Variants in PCDHGA10 observed in about 807,000 individuals in gnomAD.
PCDHGA10 encodes the protein protocadherin gamma subfamily A, 10.
Under a neutral mutation model 59.5 loss-of-function variants are expected in PCDHGA10, and 42 were observed. That is an observed-to-expected ratio of 0.71 (90% CI 0.55 to 0.91). The LOEUF is 0.91. Among genes scored for constraint, PCDHGA10 ranks in the 40% least tolerant of loss-of-function variants. The pLI is 0.00. For synonymous variants in PCDHGA10, 511 were observed against 517.2 expected (o/e 0.99, Z 0.16); for missense variants, 1,111 against 1,198.2 (o/e 0.93, Z 1.07).
chr5:141,511,241 C>A lies in PCDHGA10; in HGVS notation c.*68C>A. On this transcript the variant is annotated 3_prime_UTR_variant, in exon 4 of 4. Coordinates refer to ENST00000398610, the MANE Select transcript of PCDHGA10 (RefSeq NM_018913.3). ...CCAGCCCAGCTTCTCCTTACCTGCA[C>A]CCAGGCCTCAGAGTTTCAGGGCTAA... 1 of 1,585,212 alleles carries A rather than the reference C, an allele frequency of 6.3e-7. No individual in the cohort carries two copies. The highest frequency in any genetic ancestry group is 8.6e-7 in the Non-Finnish European group (1 of 1,165,762).
chr5:141,508,647 C>T (rs1301017914), intron 3 of PCDHGA10, among the ~76,000 whole-genome samples: 4 of 152,090 alleles, frequency 2.6e-5, no homozygotes, highest in African/African-American at 9.7e-5. Flanking sequence ...CTCCGTCAGG[C>T]CCTTCCTGTC....
intron 1 of PCDHGA10, chr5:141,426,496 G>A: frequency 3.0e-6 from 1 of 337,022 alleles, no homozygotes; most frequent in South Asian, 2.4e-5. Flanking sequence ...AGTTAGTGCA[G>A]AGAAACAATA....
chr5:141,485,814 CT>C lies in PCDHGA10; in HGVS notation c.2437-8992del, dbSNP rs2099619658. On this transcript the variant is annotated intron_variant, in intron 1 of 3. Transcript: ENST00000398610. The surrounding 1 kb of genome is among the most constrained non-coding windows in gnomAD (Gnocchi z 5.7). ...TCGGACTACCGCCTGGTGCTGACTGCTGTCGATGGAGGGAACCCGCCGAGAT... is the reference window on the plus strand; with the variant it reads ...TCGGACTACCGCCTGGTGCTGACTGCGTCGATGGAGGGAACCCGCCGAGAT... The C allele has an allele frequency of 6.2e-7, 1 of 1,613,864 alleles. No individual in the cohort carries two copies. Among genetic ancestry groups the C allele is most frequent in the Non-Finnish European group, 8.5e-7 (1 of 1,179,990 alleles).
chr5:141,460,553 C>A (rs2098991893), intron 1 of PCDHGA10, among the ~76,000 whole-genome samples: 1 of 152,032 alleles, frequency 6.6e-6, no homozygotes. Context: ...AATCAAAAAT[C>A]ATTTGGCCAT....
intron 1 of PCDHGA10, chr5:141,427,653 G>A (rs1221862562): frequency 4.1e-6 from 3 of 725,570 alleles, no homozygotes; most frequent in Non-Finnish European, 4.9e-6. Flanking sequence ...CTCCTACGTG[G>A]TCCACGTGGC....
chr5:141,457,193 A>G (rs2154565853), intron 1 of PCDHGA10, among the ~76,000 whole-genome samples: 1 of 152,356 alleles, frequency 6.6e-6, no homozygotes, highest in African/African-American at 2.4e-5. Flanking sequence ...GAGTGAGGAA[A>G]GCAGTTCCCA....
intron 1 of PCDHGA10, chr5:141,423,757 G>T (rs562479446): frequency 7.3e-5 from 29 of 395,130 alleles, no homozygotes; most frequent in Non-Finnish European, 9.5e-5. Flanking sequence ...GTTTGGGGGG[G>T]GGGTGGGGCG....
At position 141,487,557 on chromosome 5, in the gene PCDHGA10, T is replaced by C. The variant is rs751511771; in HGVS notation, c.2437-7250T>C. On this transcript the variant is annotated intron_variant, in intron 1 of 3. Coordinates refer to ENST00000398610, the MANE Select transcript of PCDHGA10 (RefSeq NM_018913.3). The surrounding 1 kb of genome is among the most constrained non-coding windows in gnomAD (Gnocchi z 5.0). The stretch of plus-strand genomic sequence containing the variant: ...ATGGTGAAGTCACCCAGTGCACCTA[T>C]GGCAGGGGAGCCTGTTCGCCCAAGC... The C allele has an allele frequency of 1.9e-5, 31 of 1,614,060 alleles. No homozygotes were observed. In the East Asian group the frequency reaches 4.2e-4, roughly 22 times the overall value.
At chr5:141,494,965 C>T in intron 2 of PCDHGA10, 100 bp downstream of exon 2, 1 of 1,592,636 alleles carries the variant, frequency 6.3e-7, no homozygotes, top group Non-Finnish European at 8.6e-7. Context: ...CTACAGATGG[C>T]TTCTCCCTCA....
At chr5:141,463,553 A>G (rs1163004575) in intron 1 of PCDHGA10, among the ~76,000 whole-genome samples, 3 of 140,962 alleles carry the variant, frequency 2.1e-5, no homozygotes, top group Non-Finnish European at 4.5e-5. Context: ...GGTTCATGCC[A>G]TTCTCCTGCC....
rs1305419943 is a variant in PCDHGA10, at chr5:141,438,625, T to C, written c.2436+23014T>C. Among the ~76,000 whole-genome samples the C allele has an allele frequency of 9.7e-4, 45 of 46,410 alleles. 2 individuals are homozygous for C. Among genetic ancestry groups the C allele is most frequent in the Admixed American group, 2.2e-3 (7 of 3,192 alleles). The allele number at this position is 46,410 out of a possible 152,430, so 30.4% of individuals were successfully genotyped here. On this transcript the variant is annotated intron_variant, in intron 1 of 3. Coordinates refer to ENST00000398610, the MANE Select transcript of PCDHGA10 (RefSeq NM_018913.3). The stretch of plus-strand genomic sequence containing the variant: ...ATATATATATATATATATATATATA[T>C]ATATATATATACACACACACACACA...
chr5:141,485,546 G>C lies in PCDHGA10; in HGVS notation c.2437-9261G>C. The C allele has an allele frequency of 6.2e-7, 1 of 1,614,074 alleles. No individual in the cohort carries two copies. ...GTACCGAGCAGAGGTAGAGATCGTA[G>C]ATGTGAATGATCACGCCCCCCGTTT... is the stretch of plus-strand genomic sequence containing the variant. On this transcript the variant is annotated intron_variant, in intron 1 of 3. Coordinates refer to ENST00000398610, the MANE Select transcript of PCDHGA10 (RefSeq NM_018913.3). The surrounding 1 kb of genome is among the most constrained non-coding windows in gnomAD (Gnocchi z 5.7).
Position 141,490,575 on chromosome 5 carries a change from A to G in PCDHGA10, c.2437-4232A>G. 2 of 1,614,140 alleles carry G rather than the reference A, an allele frequency of 1.2e-6. No individual in the cohort carries two copies. The highest frequency in any genetic ancestry group is 2.2e-5 in the East Asian group (1 of 44,876). Reference sequence around the variant, plus strand: ...ATCTCACCATCAGGCTCAACATTTCAGATGTCAATGACAATGCACCCCGCT... The same window carrying G: ...ATCTCACCATCAGGCTCAACATTTCGGATGTCAATGACAATGCACCCCGCT... On this transcript the variant is annotated intron_variant, in intron 1 of 3. Transcript: ENST00000398610. This position sits in a 1 kb window ranked among gnomAD's most constrained non-coding sequence, Gnocchi z 5.4.
intron 1 of PCDHGA10, chr5:141,423,007 G>A: frequency 6.2e-7 from 1 of 1,614,242 alleles, no homozygotes; most frequent in Non-Finnish European, 8.5e-7. Flanking sequence ...CAAGGTGGTT[G>A]CGGTGGACAA....
chr5:141,429,861 A>G (rs1483953460), intron 1 of PCDHGA10, among the ~76,000 whole-genome samples: 1 of 152,226 alleles, frequency 6.6e-6, no homozygotes, highest in Non-Finnish European at 1.5e-5. Flanking sequence ...TCTTTGGACT[A>G]CCAATTTTCT....
Position 141,490,520 on chromosome 5 carries a change from G to A in PCDHGA10, c.2437-4287G>A. 1 of 1,614,072 alleles carries A rather than the reference G, an allele frequency of 6.2e-7. No individual in the cohort carries two copies. Among genetic ancestry groups the A allele is most frequent in the Non-Finnish European group, 8.5e-7 (1 of 1,180,014 alleles). ...CACTATATCATCGAGCTGCTGGCCAGCGATGCTGGTTCACCTTCCCTACAC... is the reference window on the plus strand; with the variant it reads ...CACTATATCATCGAGCTGCTGGCCAACGATGCTGGTTCACCTTCCCTACAC... On this transcript the variant is annotated intron_variant, in intron 1 of 3. Coordinates refer to ENST00000398610, the MANE Select transcript of PCDHGA10 (RefSeq NM_018913.3). The surrounding 1 kb of genome is among the most constrained non-coding windows in gnomAD (Gnocchi z 5.4).
At chr5:141,492,241 C>T (rs1351937353) in intron 1 of PCDHGA10, among the ~76,000 whole-genome samples, 1 of 152,186 alleles carries the variant, frequency 6.6e-6, no homozygotes, top group African/African-American at 2.4e-5. Flanking sequence ...TGCTGGCCAC[C>T]CCCACGGCCC....
At chr5:141,475,090 A>G (rs991061660) in intron 1 of PCDHGA10, among the ~76,000 whole-genome samples, 1 of 152,264 alleles carries the variant, frequency 6.6e-6, no homozygotes, top group African/African-American at 2.4e-5. Flanking sequence ...CAATAATTTT[A>G]TAAAGATCCT....
In PCDHGA10 at chr5:141,414,363, T is replaced by C; in HGVS notation, c.1188T>C (p.Phe396=). The change falls in exon 1 of 4, where the codon TTT becomes TTC. Residue 396 remains phenylalanine (F), a synonymous_variant. Coordinates refer to ENST00000398610, the MANE Select transcript of PCDHGA10 (RefSeq NM_018913.3). ...VTCSILAYLP[F]KLEKSIDSYY... Reference sequence around the variant, plus strand: ...GTTCCATTTTGGCGTATCTACCATTTAAATTAGAAAAGTCCATTGACAGTT... The same window carrying C: ...GTTCCATTTTGGCGTATCTACCATTCAAATTAGAAAAGTCCATTGACAGTT... 3 of 1,613,910 alleles carry C rather than the reference T, an allele frequency of 1.9e-6. No individual in the cohort carries two copies. Among genetic ancestry groups the C allele is most frequent in the Non-Finnish European group, 1.7e-6 (2 of 1,179,888 alleles).
Sources: gnomAD v4.1 joint callset for allele counts (sites outside exome capture counted in the v4.1 genomes callset) on GRCh38, gnomAD v4.1.1 for gene constraint, Gnocchi (gnomAD v3.1) non-coding constraint, MANE v1.5 for transcripts, NCBI Gene and HGNC (gene_info 2026-07-23, HGNC 2026-07-21) for gene names.